Variants in TENM3 observed in about 807,000 individuals in gnomAD.
TENM3 encodes the protein teneurin-3.
A neutral mutation model predicts 255.1 loss-of-function variants in TENM3; 63 were observed. The ratio of observed to expected loss-of-function variants is 0.25; its 90% CI spans 0.20 to 0.30. The LOEUF is 0.30. Among genes scored for constraint, TENM3 ranks in the 10% least tolerant of loss-of-function variants. TENM3 has a pLI of 1.00. For missense variants in TENM3, 2,929 were observed against 3,461.1 expected (o/e 0.85, Z 3.86); for synonymous variants, 1,306 against 1,322.3 (o/e 0.99, Z 0.27).
At chr4:182,129,406 T>C in the TENM3 span, among the ~76,000 whole-genome samples, 1 of 152,326 alleles carries the variant, frequency 6.6e-6, no homozygotes, top group East Asian at 1.9e-4. Flanking sequence ...TCTTCAGAAT[T>C]CCTGCTTCCT....
At chr4:182,144,675 G>C (rs1383783204), upstream of TENM3, 4 of 146,446 alleles carry the variant, frequency 2.7e-5, no homozygotes, top group South Asian at 2.1e-4. Context: ...AATTTGGCCC[G>C]GCGCGGTGTG....
intron 3 of TENM3, among the ~76,000 whole-genome samples, chr4:182,441,205 A>T (rs1772455648): frequency 6.6e-6 from 1 of 152,206 alleles, no homozygotes. Flanking sequence ...TAAACAAAAA[A>T]TGTATGTATA....
chr4:181,841,207 G>A, the TENM3 span, among the ~76,000 whole-genome samples: 1 of 152,030 alleles, frequency 6.6e-6, no homozygotes, highest in Non-Finnish European at 1.5e-5. Flanking sequence ...GATCCTTTGT[G>A]TCATATAATA....
chr4:182,415,791 C>T (rs1770318427), intron 3 of TENM3, among the ~76,000 whole-genome samples: 1 of 151,876 alleles, frequency 6.6e-6, no homozygotes, highest in Non-Finnish European at 1.5e-5. Context: ...CAGAGTGAAA[C>T]TTGACATGTA....
the TENM3 span, among the ~76,000 whole-genome samples, chr4:181,543,042 G>A: frequency 6.6e-6 from 1 of 152,090 alleles, no homozygotes; most frequent in East Asian, 1.9e-4. Context: ...ATTTGAGCAA[G>A]GATGAATGCA....
At chr4:182,295,256 CTTTTCTTTTTT>C (rs1761403094) in intron 1 of TENM3, among the ~76,000 whole-genome samples, 1 of 121,536 alleles carries the variant, frequency 8.2e-6, no homozygotes, top group South Asian at 2.5e-4. Flanking sequence ...ATGTGCTTTG[CTTTTCTTTTTT>C]TTTTTTTTTT....
At chr4:181,516,709 G>A in the TENM3 span, among the ~76,000 whole-genome samples, 6 of 151,978 alleles carry the variant, frequency 3.9e-5, no homozygotes, top group East Asian at 5.8e-4. Flanking sequence ...TCGGGAGGGG[G>A]AGGTTGCAGT....
chr4:181,484,936 G>A, the TENM3 span, among the ~76,000 whole-genome samples: 1 of 152,152 alleles, frequency 6.6e-6, no homozygotes, highest in African/African-American at 2.4e-5. Flanking sequence ...TTTCTTCAAG[G>A]ATTATTTTGT....
chr4:182,391,334 A>T (rs137874202), intron 3 of TENM3, among the ~76,000 whole-genome samples: 7 of 152,324 alleles, frequency 4.6e-5, no homozygotes, highest in Non-Finnish European at 1.0e-4. Context: ...GGTAAATTTC[A>T]GAAGTTAAAA....
chr4:182,209,834 G>A lies in TENM3; in HGVS notation c.-76+65080G>A, dbSNP rs183752793. 1.2e-4 allele frequency among the ~76,000 whole-genome samples: 19 copies of A among 152,146 alleles called. No homozygotes were observed. The East Asian group carries it at 1.8e-3, about 14-fold the overall frequency. On this transcript the variant is annotated intron_variant, in intron 1 of 2. Transcript: ENST00000512480. ...GGGTATTCAATTCTCAAGAGAATGA[G>A]ATCCAAGACTGGCTCTCTCTCTCAG...
At chr4:182,476,374 C>G (rs1166322865) in intron 3 of TENM3, among the ~76,000 whole-genome samples, 1 of 152,088 alleles carries the variant, frequency 6.6e-6, no homozygotes, top group Non-Finnish European at 1.5e-5. Flanking sequence ...GAAGAAAAAC[C>G]TGATAGCATA....
chr4:182,797,234 G>A (rs1376235780), intron 27 of TENM3, among the ~76,000 whole-genome samples: 1 of 152,136 alleles, frequency 6.6e-6, no homozygotes, highest in Admixed American at 6.5e-5. Context: ...GAGGTCGGGA[G>A]TTCGAGACCA....
chr4:181,709,144 C>G, the TENM3 span, among the ~76,000 whole-genome samples: 1 of 152,130 alleles, frequency 6.6e-6, no homozygotes, highest in Non-Finnish European at 1.5e-5. Context: ...ATAGAAGACA[C>G]TACATATTAA....
At chr4:182,287,359 T>C (rs1760794368) in intron 1 of TENM3, among the ~76,000 whole-genome samples, 1 of 152,280 alleles carries the variant, frequency 6.6e-6, no homozygotes, top group Non-Finnish European at 1.5e-5. Flanking sequence ...TTTTTGTTGG[T>C]GGCTGTAATA....
At chr4:182,362,604 C>T (rs915383942) in intron 3 of TENM3, among the ~76,000 whole-genome samples, 2 of 152,136 alleles carry the variant, frequency 1.3e-5, no homozygotes, top group South Asian at 2.1e-4. Flanking sequence ...GGGAGTGACC[C>T]GATTTTCCAG....
intron 3 of TENM3, among the ~76,000 whole-genome samples, chr4:182,358,520 G>C (rs1481026804): frequency 6.6e-6 from 1 of 151,878 alleles, no homozygotes. Context: ...CTCTCTGTTT[G>C]TCTGTTATCG....
At chr4:182,611,779 C>T (rs368764201) in intron 4 of TENM3, among the ~76,000 whole-genome samples, 1 of 152,166 alleles carries the variant, frequency 6.6e-6, no homozygotes, top group East Asian at 1.9e-4. Flanking sequence ...TTGAACACTT[C>T]CTCTACTTGG....
At chr4:182,747,337 G>A (rs1451867027) in intron 19 of TENM3, among the ~76,000 whole-genome samples, 2 of 152,096 alleles carry the variant, frequency 1.3e-5, no homozygotes, top group Admixed American at 1.3e-4. Flanking sequence ...TTCAGAGAGT[G>A]TTCTGTTATA....
At chr4:181,789,703 A>G in the TENM3 span, among the ~76,000 whole-genome samples, 2 of 152,094 alleles carry the variant, frequency 1.3e-5, no homozygotes, top group African/African-American at 4.8e-5. Context: ...CAGGAGATGC[A>G]GGGTCAGGGC....
Sources: allele counts gnomAD v4.1 joint callset (sites outside exome capture counted in the v4.1 genomes callset), GRCh38; gene constraint gnomAD v4.1.1; transcripts MANE v1.5; gene names NCBI Gene and HGNC (gene_info 2026-07-23, HGNC 2026-07-21).